KDM5A: variants seen among roughly 807,000 people sequenced by gnomAD.
KDM5A encodes lysine-specific demethylase 5A.
A neutral mutation model predicts 193.5 loss-of-function variants in KDM5A; 42 were observed. The ratio of observed to expected loss-of-function variants is 0.22; its 90% CI spans 0.17 to 0.28. KDM5A has a LOEUF of 0.28. Among genes scored for constraint, KDM5A ranks in the 10% least tolerant of loss-of-function variants. The pLI, the probability that KDM5A is intolerant of heterozygous loss-of-function variation, is 1.00. For synonymous variants in KDM5A, 796 were observed against 718.1 expected, an observed-to-expected ratio of 1.11 and a Z score of -1.73; for missense variants, 1,692 against 2,055.1, an observed-to-expected ratio of 0.82 and a Z score of 3.42.
intron 3 of KDM5A, among the ~76,000 whole-genome samples, chr12:382,211 C>T (rs932369216): frequency 6.6e-6 from 1 of 151,710 alleles, no homozygotes; most frequent in Non-Finnish European, 1.5e-5. Flanking sequence ...GCGGGTGGAT[C>T]ATCTGAGGTC....
At position 334,225 on chromosome 12, in the gene KDM5A, T is replaced by C; in HGVS notation, c.1490+16A>G. The C allele has an allele frequency of 6.2e-7, 1 of 1,611,198 alleles. No individual in the cohort carries two copies. On this transcript the variant is annotated intron_variant, in intron 11 of 27. Coordinates refer to ENST00000399788, the MANE Select transcript of KDM5A (RefSeq NM_001042603.3). ...TTAGTAGAGTTCATGCATGCTGTAT[T>C]TTAGACTGTACATACCAGTGCAAGT... is the stretch of plus-strand genomic sequence containing the variant.
At chr12:288,422 T>C (rs142366780) in intron 27 of KDM5A, among the ~76,000 whole-genome samples, 4 of 152,274 alleles carry the variant, frequency 2.6e-5, no homozygotes, top group Non-Finnish European at 4.4e-5. Context: ...TACAAATAGG[T>C]TACTATGTTT....
intron 3 of KDM5A, among the ~76,000 whole-genome samples, chr12:369,518 A>C (rs1036065258): frequency 2.0e-5 from 3 of 152,252 alleles, no homozygotes; most frequent in African/African-American, 7.2e-5. Context: ...GAAATTAAAA[A>C]GCAGTCAAGG....
chr12:357,494 C>T (rs1261030236), intron 5 of KDM5A, among the ~76,000 whole-genome samples: 1 of 151,094 alleles, frequency 6.6e-6, no homozygotes, highest in African/African-American at 2.4e-5. Context: ...ACAAAAAGAC[C>T]CTGTCTTTAA....
chr12:365,357 A>G (rs1336380973), intron 4 of KDM5A, among the ~76,000 whole-genome samples: 2 of 152,198 alleles, frequency 1.3e-5, no homozygotes, highest in South Asian at 4.1e-4. Flanking sequence ...TCCAGCCAAC[A>G]TGGCTGAACT....
rs1197996722 is a variant in KDM5A, at chr12:309,843, A to G, written c.3338T>C (p.Leu1113Pro). The change falls in exon 22 of 28, where the codon CTG becomes CCG. Residue 1113 changes from leucine (L) to proline (P), a missense_variant. Transcript: ENST00000399788. Reference sequence around the variant, plus strand: ...TCTGGTTTCCTCCAATCCTTCCTCCAGATCACTCAGAGGCTCCAGGTCCAG... The same window carrying G: ...TCTGGTTTCCTCCAATCCTTCCTCCGGATCACTCAGAGGCTCCAGGTCCAG... ...KDLDLEPLSD[L>P]EEGLEETRDT... The G allele has an allele frequency of 1.2e-6, 2 of 1,614,130 alleles. No homozygotes were observed. Among genetic ancestry groups the G allele is most frequent in the Admixed American group, 3.3e-5 (2 of 60,010 alleles).
intron 5 of KDM5A, among the ~76,000 whole-genome samples, chr12:360,067 G>A (rs1170974474): frequency 6.6e-6 from 1 of 152,116 alleles, no homozygotes; most frequent in Non-Finnish European, 1.5e-5. Flanking sequence ...CTTCAGGCCA[G>A]TTTGAGACCA....
intron 8 of KDM5A, among the ~76,000 whole-genome samples, chr12:353,322 C>T (rs1159840163): frequency 1.3e-5 from 2 of 152,012 alleles, no homozygotes; most frequent in South Asian, 2.1e-4. Flanking sequence ...AGGCTGTAGA[C>T]CGTCTCAAAA....
chr12:324,565 T>G (rs1012373965), intron 14 of KDM5A, among the ~76,000 whole-genome samples: 12 of 151,948 alleles, frequency 7.9e-5, no homozygotes, highest in African/African-American at 2.9e-4. Flanking sequence ...TTAAGACAAA[T>G]TCAGTATGCC....
chr12:320,288 G>A (rs1019868281), intron 18 of KDM5A, among the ~76,000 whole-genome samples: 1 of 152,202 alleles, frequency 6.6e-6, no homozygotes, highest in Non-Finnish European at 1.5e-5. Context: ...CTTGAGGTCA[G>A]GAGTTTGAAA....
Position 313,109 on chromosome 12 carries a change from T to G in KDM5A, c.2983A>C (p.Lys995Gln), listed in dbSNP as rs1207222831. The G allele has an allele frequency of 2.5e-6, 4 of 1,614,068 alleles. No individual in the cohort carries two copies. In the African/African-American group the frequency reaches 5.3e-5, roughly 22 times the overall value. The change falls in exon 20 of 28, where the codon AAA (lysine) becomes CAA (glutamine). Residue 995 changes from lysine to glutamine, a missense_variant. Coordinates refer to ENST00000399788, the MANE Select transcript of KDM5A (RefSeq NM_001042603.3). ...PAFLPNVLSL[K>Q]EALQKAREWT... ...TCTCGAGCCTTTTGTAAGGCTTCTT[T>G]CAAGGACAACACATTGGGTAGAAAG...
intron 5 of KDM5A, among the ~76,000 whole-genome samples, chr12:357,174 G>A (rs1040108754): frequency 2.0e-5 from 3 of 152,032 alleles, no homozygotes; most frequent in Non-Finnish European, 4.4e-5. Context: ...CCAGCTACTT[G>A]GGAGGCTGAG....
In KDM5A at chr12:293,245, C is replaced by A; in HGVS notation, c.4456-76G>T. The A allele has an allele frequency of 4.8e-6, 6 of 1,249,338 alleles. No individual in the cohort carries two copies. The East Asian group carries it at 9.5e-5, about 20-fold the overall frequency. 77.4% of individuals were successfully genotyped at this position (1,249,338 alleles called of 1,614,324 possible). On this transcript the variant is annotated intron_variant, in intron 26 of 27. Transcript: ENST00000399788. ...CAGTATTACTCTCTTATATGAGGTA[C>A]CTAGAATAGACACATTCGGAGAGAC...
chr12:363,693 GA>G (rs1944318999), intron 4 of KDM5A, among the ~76,000 whole-genome samples: 1 of 151,960 alleles, frequency 6.6e-6, no homozygotes, highest in African/African-American at 2.4e-5. Flanking sequence ...TTAAAGCAAA[GA>G]AGAAAATCTT....
At chr12:376,302 G>A (rs183809062) in intron 3 of KDM5A, among the ~76,000 whole-genome samples, 14 of 152,304 alleles carry the variant, frequency 9.2e-5, no homozygotes, top group Middle Eastern at 3.4e-3. Context: ...CCCCAGGCTC[G>A]CTGCCACCTT....
At chr12:325,713 A>G (rs997219647) in intron 14 of KDM5A, among the ~76,000 whole-genome samples, 1 of 151,622 alleles carries the variant, frequency 6.6e-6, no homozygotes, top group East Asian at 1.9e-4. Flanking sequence ...TAGGTAACAT[A>G]TAACTATGAA....
intron 7 of KDM5A, among the ~76,000 whole-genome samples, chr12:354,452 T>G (rs1410888535): frequency 6.6e-6 from 1 of 152,096 alleles, no homozygotes; most frequent in African/African-American, 2.4e-5. Context: ...AGCAAGTTAA[T>G]AAAGGTGTAT....
At chr12:357,481 G>A (rs929087211) in intron 5 of KDM5A, among the ~76,000 whole-genome samples, 2 of 151,654 alleles carry the variant, frequency 1.3e-5, no homozygotes, top group Non-Finnish European at 1.5e-5. Flanking sequence ...CAGCCTGGGT[G>A]ACACAAAAAG....
intron 2 of KDM5A, among the ~76,000 whole-genome samples, chr12:384,558 T>C (rs537168433): frequency 1.8e-4 from 27 of 152,286 alleles, no homozygotes; most frequent in Admixed American, 1.5e-3. Flanking sequence ...TCAAAGACTT[T>C]TTTTCATTAT....
Sources: allele counts gnomAD v4.1 joint callset (sites outside exome capture counted in the v4.1 genomes callset), GRCh38; gene constraint gnomAD v4.1.1; transcripts MANE v1.5; gene names NCBI Gene and HGNC (gene_info 2026-07-23, HGNC 2026-07-21).